GRM7: variants seen among roughly 807,000 people sequenced by gnomAD.
The protein encoded by GRM7 is glutamate metabotropic receptor 7, also known as metabotropic glutamate receptor 7.
Under a neutral mutation model 84.5 loss-of-function variants are expected in GRM7, and 35 were observed. That is an observed-to-expected ratio of 0.41 (90% CI 0.32 to 0.55). GRM7 has a LOEUF of 0.55. Ranked by LOEUF, GRM7 falls within the 20% of genes least tolerant of loss-of-function variation. GRM7 has a pLI of 0.19. For missense variants in GRM7, 1,003 were observed against 1,194.6 expected, an observed-to-expected ratio of 0.84 and a Z score of 2.36; for synonymous variants, 487 against 455.1, an observed-to-expected ratio of 1.07 and a Z score of -0.89.
intron 1 of GRM7, among the ~76,000 whole-genome samples, chr3:7,027,175 C>A (rs1469001353): frequency 6.6e-6 from 1 of 152,178 alleles, no homozygotes; most frequent in Admixed American, 6.5e-5. Flanking sequence ...TTCCAGGTAC[C>A]CACATCCTGC....
chr3:7,245,659 A>G (rs1480897349), intron 2 of GRM7, among the ~76,000 whole-genome samples: 2 of 152,118 alleles, frequency 1.3e-5, no homozygotes, highest in East Asian at 3.9e-4. Flanking sequence ...CAACAAGCCT[A>G]CACTAAAAAA....
chr3:6,915,869 A>G (rs1021039498), intron 1 of GRM7, among the ~76,000 whole-genome samples: 1 of 152,318 alleles, frequency 6.6e-6, no homozygotes, highest in African/African-American at 2.4e-5. Context: ...AAGAAATATT[A>G]TGCTTAATCC....
At position 7,648,334 on chromosome 3, in the gene GRM7, A is replaced by T. The variant is rs538104760; in HGVS notation, c.2452-31715A>T. Among the ~76,000 whole-genome samples the T allele has an allele frequency of 1.1e-4, 16 of 152,038 alleles. No homozygotes were observed. The South Asian group carries it at 2.7e-3, about 26-fold the overall frequency. On this transcript the variant is annotated intron_variant, in intron 8 of 9. Transcript: ENST00000357716. ...AAAACATATTGATAATTGAAGCAAG[A>T]CTTGAAGATCTGGGACACAAGAAGG... is the stretch of plus-strand genomic sequence containing the variant.
At chr3:7,435,749 A>G (rs712780) in intron 5 of GRM7, among the ~76,000 whole-genome samples, 75,581 of 140,062 alleles carry the variant, frequency 0.54, 20,120 homozygotes, top group Non-Finnish European at 0.59. Context: ...GTGCAGTGGC[A>G]CGATCTTGGC....
chr3:6,947,324 T>A (rs554655931), intron 1 of GRM7, among the ~76,000 whole-genome samples: 1 of 152,328 alleles, frequency 6.6e-6, no homozygotes, highest in Admixed American at 6.5e-5. Context: ...GTGGTTTTTG[T>A]CTTTGGTTCT....
chr3:7,388,096 T>C (rs1440547574), intron 4 of GRM7, among the ~76,000 whole-genome samples: 1 of 152,104 alleles, frequency 6.6e-6, no homozygotes, highest in African/African-American at 2.4e-5. Flanking sequence ...AGCTTGAATG[T>C]TATTGGTGGA....
chr3:7,533,931 A>G (rs1701140196), intron 7 of GRM7, among the ~76,000 whole-genome samples: 1 of 151,676 alleles, frequency 6.6e-6, no homozygotes, highest in South Asian at 2.1e-4. Context: ...TATGTTGTAC[A>G]TTTTTACCAT....
At chr3:7,071,772 A>G (rs1296160990) in intron 1 of GRM7, among the ~76,000 whole-genome samples, 1 of 152,118 alleles carries the variant, frequency 6.6e-6, no homozygotes, top group Non-Finnish European at 1.5e-5. Context: ...ATCAATCAAT[A>G]TTTTTAAAAG....
At chr3:7,533,459 A>G (rs1208724057) in intron 7 of GRM7, among the ~76,000 whole-genome samples, 2 of 152,170 alleles carry the variant, frequency 1.3e-5, no homozygotes, top group African/African-American at 4.8e-5. Context: ...GAAAACAAAG[A>G]CCACAATGTA....
chr3:7,538,546 A>G (rs1692690648), intron 7 of GRM7, among the ~76,000 whole-genome samples: 1 of 152,238 alleles, frequency 6.6e-6, no homozygotes, highest in Admixed American at 6.5e-5. Flanking sequence ...GATGAAAAAC[A>G]TCAAGGTTTA....
intron 9 of GRM7, among the ~76,000 whole-genome samples, chr3:7,736,480 T>A (rs1487284403): frequency 1.3e-5 from 2 of 152,146 alleles, no homozygotes; most frequent in Non-Finnish European, 2.9e-5. Flanking sequence ...GATTATTAAA[T>A]CAATGTAAGT....
intron 7 of GRM7, among the ~76,000 whole-genome samples, chr3:7,565,151 T>A (rs1694200785): frequency 6.6e-6 from 1 of 152,172 alleles, no homozygotes. Context: ...CAAAAGTAAT[T>A]ATGGATCCTT....
In GRM7 at chr3:7,306,601, G is replaced by T. The variant is rs771695147; in HGVS notation, c.982G>T (p.Asp328Tyr). 1 of 1,613,486 alleles carries T rather than the reference G, an allele frequency of 6.2e-7. No individual in the cohort carries two copies. Among genetic ancestry groups the T allele is most frequent in the Non-Finnish European group, 8.5e-7 (1 of 1,179,682 alleles). Residue 328 changes from aspartate (D) to tyrosine (Y), a missense_variant, in exon 4 of 10, where the codon GAT becomes TAT. Coordinates refer to ENST00000357716, the MANE Select transcript of GRM7 (RefSeq NM_000844.4). ...SKINPLHQHE[D>Y]IAEGAITIQP... ...AATAAACCCACTGCACCAGCATGAA[G>T]ATATCGCAGAAGGGGCCATCACCAT...
At chr3:7,170,392 G>A (rs936946721) in intron 2 of GRM7, among the ~76,000 whole-genome samples, 1 of 152,112 alleles carries the variant, frequency 6.6e-6, no homozygotes, top group South Asian at 2.1e-4. Context: ...TTTCAGAGCT[G>A]CCAGGAACAT....
At chr3:7,016,094 G>T (rs1244029878) in intron 1 of GRM7, among the ~76,000 whole-genome samples, 1 of 136,220 alleles carries the variant, frequency 7.3e-6, no homozygotes, top group Non-Finnish European at 1.6e-5. Flanking sequence ...TACTGTAGAG[G>T]AATACGCAGT....
At chr3:7,329,585 G>A (rs34684786) in intron 4 of GRM7, among the ~76,000 whole-genome samples, 67,443 of 151,838 alleles carry the variant, frequency 0.44, 15,193 homozygotes, top group African/African-American at 0.52. Context: ...AGAGTGATAT[G>A]TGTACTATAA....
chr3:7,650,899 A>T (rs74285874), intron 8 of GRM7, among the ~76,000 whole-genome samples: 1,757 of 152,308 alleles, frequency 0.012, 22 homozygotes, highest in Middle Eastern at 0.037. Flanking sequence ...ATTCTAAAAA[A>T]GAAAGAGTCA....
intron 7 of GRM7, among the ~76,000 whole-genome samples, chr3:7,465,829 C>G (rs1698440538): frequency 6.6e-6 from 1 of 152,084 alleles, no homozygotes; most frequent in African/African-American, 2.4e-5. Flanking sequence ...AGAATCCCAG[C>G]TCTGTAGATC....
chr3:7,319,520 C>T (rs1359743540), intron 4 of GRM7, among the ~76,000 whole-genome samples: 1 of 152,002 alleles, frequency 6.6e-6, no homozygotes, highest in African/African-American at 2.4e-5. Flanking sequence ...CATTTGATAT[C>T]AACCTAGTGC....
Sources: allele counts gnomAD v4.1 joint callset (sites outside exome capture counted in the v4.1 genomes callset), GRCh38; gene constraint gnomAD v4.1.1; transcripts MANE v1.5; gene names NCBI Gene and HGNC (gene_info 2026-07-23, HGNC 2026-07-21).